The following EPPK1 variants were observed in gnomAD, a reference collection of about 807,000 sequenced individuals.
EPPK1 encodes epiplakin.
For synonymous variants in EPPK1, 1,862 were observed against 1,721.2 expected (o/e 1.08, Z -2.03); for missense variants, 3,823 against 3,673.3 (o/e 1.04, Z -1.05).
Position 143,871,166 on chromosome 8 carries a change from G to A in EPPK1, c.2088C>T (p.Thr696=), listed in dbSNP as rs377193309. The A allele has an allele frequency of 2.6e-5, 42 of 1,613,204 alleles. No individual in the cohort carries two copies. Among genetic ancestry groups the A allele is most frequent in the African/African-American group, 1.2e-4 (9 of 75,066 alleles). ...RAVTGYTDPY[T]GQQISLFQAM... Reference sequence around the variant, plus strand: ...CCTGGAAGAGGGAGATCTGCTGCCCGGTGTAGGGGTCAGTGTAGCCAGTGA... The same window carrying A: ...CCTGGAAGAGGGAGATCTGCTGCCCAGTGTAGGGGTCAGTGTAGCCAGTGA... The change falls in exon 2 of 2, where the codon ACC becomes ACT. Residue 696 remains threonine (T), a synonymous_variant. Transcript: ENST00000615648.
rs114978314 is a variant in EPPK1 at position 143,877,449 on chromosome 8, G to A, written c.-46+989C>T. Among the ~76,000 whole-genome samples the A allele has an allele frequency of 7.6e-3, 1,161 of 152,280 alleles. 21 individuals are homozygous for A. The highest frequency in any genetic ancestry group is 0.026 in the African/African-American group (1,069 of 41,552). ...GGGAGGAGGCCGAGCAGATTTCCCCGGAGCCTGAGGCACAAAGGGCCCCTC... is the reference window on the plus strand; with the variant it reads ...GGGAGGAGGCCGAGCAGATTTCCCCAGAGCCTGAGGCACAAAGGGCCCCTC... On this transcript the variant is annotated intron_variant, in intron 1 of 1. Coordinates refer to ENST00000615648, the MANE Select transcript of EPPK1 (RefSeq NM_031308.4).
At position 143,866,237 on chromosome 8, in the gene EPPK1, C is replaced by T; in HGVS notation, c.7017G>A (p.Leu2339=). The stretch of plus-strand genomic sequence containing the variant: ...CGCCGCCCGTGGCGATCTGGGCCTC[C>T]AGCAGGCGGATGCCGTGCTCCCGGA... ...LIVREHGIRL[L]EAQIATGGVI... The change falls in exon 2 of 2, where the codon CTG becomes CTA. Residue 2339 remains leucine, a synonymous_variant. Coordinates refer to ENST00000615648, the MANE Select transcript of EPPK1 (RefSeq NM_031308.4). The T allele has an allele frequency of 2.1e-6, 1 of 465,344 alleles. No individual in the cohort carries two copies. The highest frequency in any genetic ancestry group is 3.6e-6 in the Non-Finnish European group (1 of 279,668). The allele number at this position is 465,344 out of a possible 1,614,324, so 28.8% of individuals were successfully genotyped here. A position where few individuals can be genotyped will look rare whatever the true frequency, so the allele number is the denominator to read the frequency against.
Position 143,872,200 on chromosome 8 carries a change from G to T in EPPK1, c.1054C>A (p.Leu352Ile). The T allele has an allele frequency of 6.2e-7, 1 of 1,605,654 alleles. No individual in the cohort carries two copies. The highest frequency in any genetic ancestry group is 8.5e-7 in the Non-Finnish European group (1 of 1,176,428). Residue 352 changes from leucine to isoleucine, a missense_variant, in exon 2 of 2, where the codon CTC (leucine) becomes ATC (isoleucine). Leu to Ile is a conservative substitution (Grantham distance 5). Transcript: ENST00000615648. ...AVRAGLVSPELHEQLLVAEQA... is the reference protein window; with the variant it reads ...AVRAGLVSPEIHEQLLVAEQA... ...TCGGCCACCAGGAGCTGCTCATGGA[G>T]CTCTGGGCTGACCAGGCCCGCCCTG...
rs781935385 is a variant in EPPK1 at position 143,867,844 on chromosome 8, A to G, written c.5410T>C (p.Tyr1804His). The G allele has an allele frequency of 3.7e-6, 6 of 1,613,424 alleles. No homozygotes were observed. Among genetic ancestry groups the G allele is most frequent in the South Asian group, 3.3e-5 (3 of 91,084 alleles). Residue 1804 changes from tyrosine to histidine, a missense_variant, in exon 2 of 2, where the codon TAC becomes CAC. Coordinates refer to ENST00000615648, the MANE Select transcript of EPPK1 (RefSeq NM_031308.4). ...TCCCGCTTCCTGTCCTCTGTGAAGT[A>G]TGGAGAGGACAGCAGGTCCCAGAAA... The part of the protein sequence containing the change: ...VSFWDLLSSP[Y>H]FTEDRKRELI...
chr8:143,870,607 G>A lies in EPPK1; in HGVS notation c.2647C>T (p.Leu883=). 6.2e-7 allele frequency: 1 copy of A among 1,607,492 alleles called. No individual in the cohort carries two copies. The highest frequency in any genetic ancestry group is 8.5e-7 in the Non-Finnish European group (1 of 1,177,930). ...TGGTGGACGGTGACCCGGCTCCGCAGTGCGGGCAGCATGATGTCCGCCTGT... is the reference window on the plus strand; with the variant it reads ...TGGTGGACGGTGACCCGGCTCCGCAATGCGGGCAGCATGATGTCCGCCTGT... ...QRQADIMLPA[L]RSRVTVHQLL... Residue 883 remains leucine, a synonymous_variant, in exon 2 of 2, where the codon CTG becomes TTG. Coordinates refer to ENST00000615648, the MANE Select transcript of EPPK1 (RefSeq NM_031308.4). This position sits in a 1 kb window ranked among gnomAD's most constrained non-coding sequence, Gnocchi z 5.2.
At position 143,857,915 on chromosome 8, in the gene EPPK1, A is replaced by C. The variant is rs994859814; in HGVS notation, c.*72T>G. The stretch of plus-strand genomic sequence containing the variant: ...GAATGACAAAAAAAAAAAAAAAAAA[A>C]AAAACAACCCAGACACACAAGTATG... On this transcript the variant is annotated 3_prime_UTR_variant, in exon 2 of 2. Coordinates refer to ENST00000615648, the MANE Select transcript of EPPK1 (RefSeq NM_031308.4). 399 of 834,290 alleles carry C rather than the reference A, an allele frequency of 4.8e-4. No homozygotes were observed. The East Asian group carries it at 0.01, about 21-fold the overall frequency. 51.7% of individuals were successfully genotyped at this position (834,290 alleles called of 1,614,324 possible).
rs782416054 is a variant in EPPK1, at chr8:143,870,516, G to A, written c.2738C>T (p.Pro913Leu). 1.1e-5 allele frequency: 18 copies of A among 1,609,034 alleles called. No homozygotes were observed. The highest frequency in any genetic ancestry group is 6.7e-5 in the East Asian group (3 of 44,796). Residue 913 changes from proline to leucine, a missense_variant, in exon 2 of 2, where the codon CCG (proline) becomes CTG (leucine). Pro to Leu is a moderately conservative substitution (Grantham distance 98). Transcript: ENST00000615648. The surrounding 1 kb of genome is among the most constrained non-coding windows in gnomAD (Gnocchi z 5.2). ...LDQVLAGTIS[P>L]EALLLMDGVR... is the part of the protein sequence containing the mutation. Reference sequence around the variant, plus strand: ...GCCGTCCATGAGTAGGAGGGCCTCCGGGCTGATTGTCCCGGCCAGCACTTG... The same window carrying A: ...GCCGTCCATGAGTAGGAGGGCCTCCAGGCTGATTGTCCCGGCCAGCACTTG...
rs1290442553 is a variant in EPPK1 at position 143,866,900 on chromosome 8, C to G, written c.6354G>C (p.Gln2118His). 6.2e-7 allele frequency: 1 copy of G among 1,613,006 alleles called. No homozygotes were observed. The highest frequency in any genetic ancestry group is 8.5e-7 in the Non-Finnish European group (1 of 1,179,864). ...TCAGTAGTGCCCACAGTGTTGGTTTCTGGCCTCTGAACCTTCCCACTGTGA... is the reference window on the plus strand; with the variant it reads ...TCAGTAGTGCCCACAGTGTTGGTTTGTGGCCTCTGAACCTTCCCACTGTGA... The part of the protein sequence containing the change: ...VEITVGRFRG[Q>H]KPTLWALLNS... Residue 2118 changes from glutamine (Q) to histidine (H), a missense_variant, in exon 2 of 2, where the codon CAG (glutamine) becomes CAC (histidine). Coordinates refer to ENST00000615648, the MANE Select transcript of EPPK1 (RefSeq NM_031308.4).
In EPPK1 at chr8:143,869,236, G is replaced by A. The variant is rs1554660267; in HGVS notation, c.4018C>T (p.Gln1340Ter). The A allele has an allele frequency of 1.9e-6, 3 of 1,610,746 alleles. No homozygotes were observed. The highest frequency in any genetic ancestry group is 1.7e-4 in the Middle Eastern group (1 of 6,024). ...PYSRASLSLW[Q>*]AMEKGLVPQN... ...GGCACGAGCCCCTTCTCCATGGCCT[G>A]CCACAGAGAGAGGGAGGCCCTAGAG... is the stretch of plus-strand genomic sequence containing the variant. Residue 1340 changes from glutamine to a stop codon, truncating the protein, a stop_gained, in exon 2 of 2, where the codon CAG becomes TAG. Coordinates refer to ENST00000615648, the MANE Select transcript of EPPK1 (RefSeq NM_031308.4). LOFTEE classifies it low-confidence loss of function (END_TRUNC).
At position 143,867,280 on chromosome 8, in the gene EPPK1, C is replaced by G. The variant is rs199828972; in HGVS notation, c.5974G>C (p.Ala1992Pro). 3.7e-6 allele frequency: 6 copies of G among 1,612,330 alleles called. No homozygotes were observed. Among genetic ancestry groups the G allele is most frequent in the Non-Finnish European group, 5.1e-6 (6 of 1,179,550 alleles). The change falls in exon 2 of 2, where the codon GCC (alanine) becomes CCC (proline). Residue 1992 changes from alanine (A) to proline (P), a missense_variant. Coordinates refer to ENST00000615648, the MANE Select transcript of EPPK1 (RefSeq NM_031308.4). ...ATGDTIPLFQ[A>P]MQKQLIEKAE... Reference sequence around the variant, plus strand: ...TTCTCGATGAGCTGCTTCTGCATGGCCTGGAACAGCGGGATCGTGTCTCCT... The same window carrying G: ...TTCTCGATGAGCTGCTTCTGCATGGGCTGGAACAGCGGGATCGTGTCTCCT...
chr8:143,857,481 C>G lies in EPPK1; in HGVS notation c.*506G>C, dbSNP rs1436791975. On this transcript the variant is annotated 3_prime_UTR_variant, in exon 2 of 2. Transcript: ENST00000615648. The stretch of plus-strand genomic sequence containing the variant: ...ATAAAGCCCATGCTTTTGGCCAGCA[C>G]AGCAGCCAGGGAAAGCCCGGGGAGG... The G allele has an allele frequency of 6.4e-6, 1 of 155,438 alleles. No homozygotes were observed. Among genetic ancestry groups the G allele is most frequent in the East Asian group, 1.9e-4 (1 of 5,272 alleles). 9.6% of individuals were successfully genotyped at this position (155,438 alleles called of 1,614,324 possible). A position where few individuals can be genotyped will look rare whatever the true frequency, so the allele number is the denominator to read the frequency against.
At position 143,869,507 on chromosome 8, in the gene EPPK1, G is replaced by T. The variant is rs367983256; in HGVS notation, c.3747C>A (p.Ala1249=). 6.5e-7 allele frequency: 1 copy of T among 1,547,632 alleles called. No homozygotes were observed. Among genetic ancestry groups the T allele is most frequent in the African/African-American group, 1.4e-5 (1 of 73,282 alleles). ...CCCCAGAGGGCTGTAGCAGCACACC[G>T]GCCACGCAGCCTGTGCCCCACAGGC... ...KACLWGTGCV[A]GVLLQPSGAK... The change falls in exon 2 of 2, where the codon GCC becomes GCA. Residue 1249 remains alanine, a synonymous_variant. Transcript: ENST00000615648.
Position 143,868,811 on chromosome 8 carries a change from G to C in EPPK1, c.4443C>G (p.Asp1481Glu). 3 of 1,604,614 alleles carry C rather than the reference G, an allele frequency of 1.9e-6. No homozygotes were observed. The highest frequency in any genetic ancestry group is 2.5e-6 in the Non-Finnish European group (3 of 1,179,284). Residue 1481 changes from aspartate (D) to glutamate (E), a missense_variant, in exon 2 of 2, where the codon GAC (aspartate) becomes GAG (glutamate). Coordinates refer to ENST00000615648, the MANE Select transcript of EPPK1 (RefSeq NM_031308.4). Reference sequence around the variant, plus strand: ...AGAGTGCCACCAGCTCCCGCCGCTTGTCAGCGCCAACGTATTCGGAGAGCA... The same window carrying C: ...AGAGTGCCACCAGCTCCCGCCGCTTCTCAGCGCCAACGTATTCGGAGAGCA... ...DLLLSEYVGA[D>E]KRRELVALCR...
rs782175397 is a variant in EPPK1, at chr8:143,873,261, G to A, written c.-8C>T. ...CAAGGTGTGGCCACTCATCACACAC[G>A]GCTGGTTATGCAGAGCCTGCTGAGG... On this transcript the variant is annotated 5_prime_UTR_variant, in exon 2 of 2. Transcript: ENST00000615648. 25 of 1,538,838 alleles carry A rather than the reference G, an allele frequency of 1.6e-5. No individual in the cohort carries two copies. The highest frequency in any genetic ancestry group is 4.2e-5 in the Admixed American group (2 of 47,330).
At position 143,857,900 on chromosome 8, in the gene EPPK1, A is replaced by C; in HGVS notation, c.*87T>G. On this transcript the variant is annotated 3_prime_UTR_variant, in exon 2 of 2. Coordinates refer to ENST00000615648, the MANE Select transcript of EPPK1 (RefSeq NM_031308.4). ...AACAACAAAATTAAAGAATGACAAAAAAAAAAAAAAAAAAAAAAACAACCC... is the reference window on the plus strand; with the variant it reads ...AACAACAAAATTAAAGAATGACAAACAAAAAAAAAAAAAAAAAAACAACCC... 1 of 653,784 alleles carries C rather than the reference A, an allele frequency of 1.5e-6. No individual in the cohort carries two copies. The highest frequency in any genetic ancestry group is 2.3e-6 in the Non-Finnish European group (1 of 441,986). The allele number at this position is 653,784 out of a possible 1,614,324, so 40.5% of individuals were successfully genotyped here.
chr8:143,868,150 C>A lies in EPPK1; in HGVS notation c.5104G>T (p.Asp1702Tyr). ...AAGTAGCCGCAGCGGTAGGCCACGTCCACGGGCACGCGGTGGCTGTGCACG... is the reference window on the plus strand; with the variant it reads ...AAGTAGCCGCAGCGGTAGGCCACGTACACGGGCACGCGGTGGCTGTGCACG... ...DPVHSHRVPV[D>Y]VAYRCGYFDE... Residue 1702 changes from aspartate (D) to tyrosine (Y), a missense_variant, in exon 2 of 2, where the codon GAC becomes TAC. By Grantham distance (160) the Asp-to-Tyr change is radical (BLOSUM62 -3). Coordinates refer to ENST00000615648, the MANE Select transcript of EPPK1 (RefSeq NM_031308.4). 1 of 1,613,182 alleles carries A rather than the reference C, an allele frequency of 6.2e-7. No individual in the cohort carries two copies. Among genetic ancestry groups the A allele is most frequent in the Non-Finnish European group, 8.5e-7 (1 of 1,180,008 alleles).
At chr8:143,875,520 G>A (rs928304272) in intron 1 of EPPK1, among the ~76,000 whole-genome samples, 4 of 152,260 alleles carry the variant, frequency 2.6e-5, no homozygotes, top group African/African-American at 4.8e-5. Flanking sequence ...CAGCTGTCCC[G>A]AGGGACCGTG....
At chr8:143,877,334 G>A (rs1480111652) in intron 1 of EPPK1, among the ~76,000 whole-genome samples, 1 of 152,200 alleles carries the variant, frequency 6.6e-6, no homozygotes, top group Non-Finnish European at 1.5e-5. Context: ...AGCGAGGGGG[G>A]GCAGGGGGTG....
At chr8:143,874,063 A>C (rs1554662051) in intron 1 of EPPK1, among the ~76,000 whole-genome samples, 3 of 152,196 alleles carry the variant, frequency 2.0e-5, no homozygotes, top group Non-Finnish European at 4.4e-5. Flanking sequence ...CGGGGGCCGC[A>C]GGCTCAGCAG....
Sources: gnomAD v4.1 joint callset for allele counts (sites outside exome capture counted in the v4.1 genomes callset) on GRCh38, gnomAD v4.1.1 for gene constraint, Gnocchi (gnomAD v3.1) non-coding constraint, MANE v1.5 for transcripts, NCBI Gene and HGNC (gene_info 2026-07-23, HGNC 2026-07-21) for gene names.